KCNQ3: variants seen among roughly 807,000 people sequenced by gnomAD.
KCNQ3 encodes the protein potassium voltage-gated channel subfamily KQT member 3.
In KCNQ3, 30 loss-of-function variants were observed where a neutral mutation model predicts 92.5. The ratio of observed to expected loss-of-function variants is 0.32; its 90% CI spans 0.24 to 0.44. KCNQ3 has a LOEUF of 0.44. KCNQ3 is among the 20% of genes least tolerant of loss of function. The pLI, the probability that KCNQ3 is intolerant of heterozygous loss-of-function variation, is 1.00. For synonymous variants in KCNQ3, 450 were observed against 468.8 expected (o/e 0.96, Z 0.52); for missense variants, 913 against 1,140.3 (o/e 0.80, Z 2.87).
chr8:132,431,112 A>C lies in KCNQ3; in HGVS notation c.386+49035T>G, dbSNP rs576948518. Among the ~76,000 whole-genome samples, 282 of 152,276 alleles carry C rather than the reference A, an allele frequency of 1.9e-3. 1 individual carries two copies. The highest frequency in any genetic ancestry group is 4.4e-3 in the South Asian group (21 of 4,820). On this transcript the variant is annotated intron_variant, in intron 1 of 14. Coordinates refer to ENST00000388996, the MANE Select transcript of KCNQ3 (RefSeq NM_004519.4). Reference sequence around the variant, plus strand: ...CCAGAACCTTCTCCAAGCAGTGCCAAGCCCAGCTCATCCCAGCCTCCTGGA... The same window carrying C: ...CCAGAACCTTCTCCAAGCAGTGCCACGCCCAGCTCATCCCAGCCTCCTGGA...
rs576403019 is a variant in KCNQ3 at position 132,304,908 on chromosome 8, T to C, written c.387-118727A>G. Among the ~76,000 whole-genome samples the C allele has an allele frequency of 3.5e-4, 54 of 152,182 alleles. 3 individuals carry two copies. In the South Asian group the frequency reaches 1.0e-2, roughly 28 times the overall value. ...GAAGGAGACACAGATAACAAAGAAT[T>C]AATATCGATTGGGAAATGAGGCAAT... On this transcript the variant is annotated intron_variant, in intron 1 of 14. Coordinates refer to ENST00000388996, the MANE Select transcript of KCNQ3 (RefSeq NM_004519.4).
intron 1 of KCNQ3, among the ~76,000 whole-genome samples, chr8:132,359,802 T>TGGCA (rs1379848523): frequency 1.3e-5 from 2 of 152,244 alleles, no homozygotes; most frequent in East Asian, 3.9e-4. Context: ...GGCACTTGCC[T>TGGCA]GGCAGGTGAA....
chr8:132,419,331 G>A (rs1449564848), intron 1 of KCNQ3, among the ~76,000 whole-genome samples: 5 of 152,042 alleles, frequency 3.3e-5, no homozygotes, highest in Admixed American at 2.6e-4. Context: ...GCAGGTCACG[G>A]GCATCATTGA....
chr8:132,391,897 C>T (rs962108041), intron 1 of KCNQ3, among the ~76,000 whole-genome samples: 1 of 152,124 alleles, frequency 6.6e-6, no homozygotes, highest in South Asian at 2.1e-4. Context: ...GGTATGGACA[C>T]GGTGTGTTTT....
At chr8:132,297,914 A>G (rs1042269833) in intron 1 of KCNQ3, among the ~76,000 whole-genome samples, 1 of 152,278 alleles carries the variant, frequency 6.6e-6, no homozygotes, top group Non-Finnish European at 1.5e-5. Flanking sequence ...GATATCTTCT[A>G]CAAGCAACTC....
At chr8:132,143,670 G>A (rs189025040) in intron 9 of KCNQ3, among the ~76,000 whole-genome samples, 5 of 152,332 alleles carry the variant, frequency 3.3e-5, no homozygotes, top group East Asian at 3.9e-4. Flanking sequence ...CATGTCGAGT[G>A]CTCAGCCAAC....
At chr8:132,147,222 AC>A (rs1415409647) in intron 9 of KCNQ3, among the ~76,000 whole-genome samples, 8 of 152,186 alleles carry the variant, frequency 5.3e-5, no homozygotes, top group African/African-American at 1.4e-4. Flanking sequence ...CAACTAGTAC[AC>A]CAATATTCCC....
intron 1 of KCNQ3, among the ~76,000 whole-genome samples, chr8:132,218,262 A>G (rs183630197): frequency 1.1e-3 from 167 of 152,328 alleles, no homozygotes; most frequent in Non-Finnish European, 2.0e-3. Flanking sequence ...CACCTGGGAC[A>G]CTACCTAGCA....
intron 1 of KCNQ3, among the ~76,000 whole-genome samples, chr8:132,361,306 C>A (rs1400257034): frequency 6.6e-6 from 1 of 152,202 alleles, no homozygotes; most frequent in Non-Finnish European, 1.5e-5. Flanking sequence ...GCGGCACGAA[C>A]CTCCTCAGCT....
chr8:132,293,496 G>A (rs918443828), intron 1 of KCNQ3, among the ~76,000 whole-genome samples: 3 of 147,098 alleles, frequency 2.0e-5, no homozygotes, highest in African/African-American at 7.5e-5. Context: ...TGATTGTTGT[G>A]CTATCAGAGC....
Position 132,382,227 on chromosome 8 carries a change from G to T in KCNQ3, c.386+97920C>A, listed in dbSNP as rs1819770223. Among the ~76,000 whole-genome samples, 4 of 152,226 alleles carry T rather than the reference G, an allele frequency of 2.6e-5. No homozygotes were observed. The South Asian group carries it at 8.3e-4, about 32-fold the overall frequency. ...ATGTTGAAATGTGATCCCCGGTGTT[G>T]GAAGTGGGGTCTGGTAGAAAGTATT... is the stretch of plus-strand genomic sequence containing the variant. On this transcript the variant is annotated intron_variant, in intron 1 of 14. Coordinates refer to ENST00000388996, the MANE Select transcript of KCNQ3 (RefSeq NM_004519.4).
chr8:132,133,540 G>A (rs35599413), intron 13 of KCNQ3, among the ~76,000 whole-genome samples: 6,393 of 152,032 alleles, frequency 0.042, 149 homozygotes, highest in South Asian at 0.065. Context: ...ATTTTTAGTA[G>A]AGATGGGGTT....
intron 1 of KCNQ3, among the ~76,000 whole-genome samples, chr8:132,194,927 G>A (rs1297865364): frequency 6.6e-6 from 1 of 152,196 alleles, no homozygotes; most frequent in Non-Finnish European, 1.5e-5. Context: ...CCTCCACTGT[G>A]CCACTTTCTA....
At chr8:132,345,889 GTGA>G (rs1020441488) in intron 1 of KCNQ3, among the ~76,000 whole-genome samples, 3 of 151,890 alleles carry the variant, frequency 2.0e-5, no homozygotes, top group East Asian at 3.9e-4. Flanking sequence ...GGATGGAATG[GTGA>G]TGATGATGAT....
chr8:132,166,584 G>A (rs1286763698), intron 8 of KCNQ3, among the ~76,000 whole-genome samples: 4 of 152,042 alleles, frequency 2.6e-5, no homozygotes, highest in Non-Finnish European at 5.9e-5. Flanking sequence ...TGAACTTCTG[G>A]GGGCTCTCAG....
intron 1 of KCNQ3, among the ~76,000 whole-genome samples, chr8:132,470,820 T>C (rs1019929594): frequency 1.3e-5 from 2 of 152,224 alleles, no homozygotes; most frequent in African/African-American, 4.8e-5. Context: ...TTTATTTGTT[T>C]GTTTGTCCAT....
intron 1 of KCNQ3, among the ~76,000 whole-genome samples, chr8:132,207,094 T>C (rs546494666): frequency 1.3e-5 from 2 of 152,368 alleles, no homozygotes; most frequent in East Asian, 3.9e-4. Context: ...TCCAATTGCA[T>C]GTTATTATAA....
Position 132,121,083 on chromosome 8 carries a change from C to G in KCNQ3, c.*8179G>C, listed in dbSNP as rs561251812. 6.6e-6 allele frequency: 1 copy of G among 152,048 alleles called. No individual in the cohort carries two copies. Among genetic ancestry groups the G allele is most frequent in the Non-Finnish European group, 1.5e-5 (1 of 68,012 alleles). 9.4% of individuals were successfully genotyped at this position (152,048 alleles called of 1,614,324 possible). On this transcript the variant is annotated 3_prime_UTR_variant, in exon 15 of 15. Coordinates refer to ENST00000388996, the MANE Select transcript of KCNQ3 (RefSeq NM_004519.4). ...GCCACTTGTGGAATAGTTGTGTTCC[C>G]CTGTAAGCCAGAATGTGAAGAAAGC... is the stretch of plus-strand genomic sequence containing the variant.
intron 1 of KCNQ3, among the ~76,000 whole-genome samples, chr8:132,387,901 G>C (rs76688550): frequency 6.6e-6 from 1 of 151,606 alleles, no homozygotes; most frequent in Non-Finnish European, 1.5e-5. Flanking sequence ...AGCCATGATC[G>C]CCTCACTATA....
Sources: allele counts gnomAD v4.1 joint callset (sites outside exome capture counted in the v4.1 genomes callset), GRCh38; gene constraint gnomAD v4.1.1; transcripts MANE v1.5; gene names NCBI Gene and HGNC (gene_info 2026-07-23, HGNC 2026-07-21).